The following DNAH9 variants were observed in gnomAD, a reference collection of about 807,000 sequenced individuals.
DNAH9 encodes the protein dynein axonemal heavy chain 9, also known as DNAH9 variant protein.
In DNAH9, 345 loss-of-function variants were observed where a neutral mutation model predicts 471.6. That is an observed-to-expected ratio of 0.73 (90% CI 0.67 to 0.80). The LOEUF (loss-of-function observed/expected upper bound fraction) is 0.80, where lower values mean the gene tolerates loss of function less well. DNAH9 is among the 30% of genes least tolerant of loss of function. The probability of loss-of-function intolerance (pLI) is 0.00; values close to 1 mark genes in which losing one functional copy is unlikely to be tolerated. For synonymous variants in DNAH9, 2,093 were observed against 2,123.6 expected (o/e 0.99, Z 0.40); for missense variants, 5,407 against 5,609.2 (o/e 0.96, Z 1.15).
chr17:11,891,592 C>T (rs984226007), intron 57 of DNAH9, among the ~76,000 whole-genome samples, 185 bp from the exon 58 acceptor site: 3 of 151,134 alleles, frequency 2.0e-5, no homozygotes, highest in Non-Finnish European at 2.9e-5. Context: ...CTCAAACTCC[C>T]GACCTTAGGT....
rs200539729 is a variant in DNAH9, at chr17:11,744,786, A to G, written c.6112-11A>G. 9.2e-5 allele frequency: 148 copies of G among 1,605,372 alleles called. No homozygotes were observed. The African/African-American group carries it at 1.7e-3, about 19-fold the overall frequency. On this transcript the variant is annotated splice_polypyrimidine_tract_variant and intron_variant, in intron 30 of 68. Transcript: ENST00000262442. Reference sequence around the variant, plus strand: ...TGTCTCTCTGTCACTTTGATCTAACACTGCCCACAGGATCACTACGACTGG... The same window carrying G: ...TGTCTCTCTGTCACTTTGATCTAACGCTGCCCACAGGATCACTACGACTGG...
chr17:11,895,135 A>G (rs1330039731), intron 59 of DNAH9, among the ~76,000 whole-genome samples: 2 of 152,198 alleles, frequency 1.3e-5, no homozygotes, highest in Non-Finnish European at 2.9e-5. Context: ...ATTCCACATC[A>G]TGCAGCTTAG....
At chr17:11,854,525 G>A (rs956010447) in intron 50 of DNAH9, 97 bp downstream of exon 50, 16 of 1,384,840 alleles carry the variant, frequency 1.2e-5, no homozygotes, top group East Asian at 7.4e-5. Flanking sequence ...GGTTTTTAAA[G>A]AGAAGCAGGA....
intron 43 of DNAH9, among the ~76,000 whole-genome samples, chr17:11,798,050 C>T (rs1969311576): frequency 6.6e-6 from 1 of 152,078 alleles, no homozygotes; most frequent in South Asian, 2.1e-4. Context: ...ATCACAGTGA[C>T]AGCAAGAACA....
At position 11,752,907 on chromosome 17, in the gene DNAH9, G is replaced by A. The variant is rs200551832; in HGVS notation, c.6685G>A (p.Asp2229Asn). 5.0e-6 allele frequency: 8 copies of A among 1,607,998 alleles called. No individual in the cohort carries two copies. The East Asian group carries it at 6.7e-5, about 14-fold the overall frequency. The stretch of plus-strand genomic sequence containing the variant: ...GCCCAAGTGGATTTTACTGGATGGC[G>A]ACATAGATCCAATGTGGATTGAATC... ...DGPKWILLDG[D>N]IDPMWIESLN... The change falls in exon 33 of 69, where the codon GAC becomes AAC. Residue 2229 changes from aspartate to asparagine, a missense_variant. Physicochemically the swap from Asp to Asn is conservative, Grantham distance 23. Coordinates refer to ENST00000262442, the MANE Select transcript of DNAH9 (RefSeq NM_001372.4).
Position 11,690,015 on chromosome 17 carries a change from C to T in DNAH9, c.4193C>T (p.Thr1398Ile). 1.2e-6 allele frequency: 2 copies of T among 1,614,206 alleles called. No homozygotes were observed. The highest frequency in any genetic ancestry group is 2.2e-5 in the South Asian group (2 of 91,084). ...ATGCAGGCCACCGGTGTGAGCTTCACTATGGACCAGGACACCACCCTAGCG... is the reference window on the plus strand; with the variant it reads ...ATGCAGGCCACCGGTGTGAGCTTCATTATGGACCAGGACACCACCCTAGCG... ...QLMQATGVSFTMDQDTTLAHL... is the reference protein window; with the variant it reads ...QLMQATGVSFIMDQDTTLAHL... The change falls in exon 20 of 69, where the codon ACT becomes ATT. Residue 1398 changes from threonine (T) to isoleucine (I), a missense_variant. Coordinates refer to ENST00000262442, the MANE Select transcript of DNAH9 (RefSeq NM_001372.4).
chr17:11,690,559 G>GTCAAA, intron 20 of DNAH9, 123 bp downstream of exon 20: 1 of 911,644 alleles, frequency 1.1e-6, no homozygotes, highest in Non-Finnish European at 1.6e-6. Context: ...TTTACTTAAA[G>GTCAAA]GCACTTCCCA....
chr17:11,700,659 G>A (rs914124478), intron 23 of DNAH9, among the ~76,000 whole-genome samples: 5 of 151,996 alleles, frequency 3.3e-5, no homozygotes, highest in Non-Finnish European at 7.4e-5. Context: ...GAAAATAATC[G>A]CTTCTCAGTT....
rs761658139 is a variant in DNAH9 at position 11,932,068 on chromosome 17, CTT to C, written c.12162_12163del (p.Cys4055LeufsTer24). ...ETEFKSILFALCYFHAVVAER... is the reference protein window; with the variant it reads ...ETEFKSILFAXCYFHAVVAER... ...GGAGTTTAAGAGCATCCTCTTTGCT[CTT>C]TGTTACTTCCATGCGGTGGTGGCAG... On this transcript the variant is annotated frameshift_variant, in exon 64 of 69. Coordinates refer to ENST00000262442, the MANE Select transcript of DNAH9 (RefSeq NM_001372.4). LOFTEE classifies it high-confidence loss of function. This position sits in a 1 kb window ranked among gnomAD's most constrained non-coding sequence, Gnocchi z 4.3. 1 of 1,614,026 alleles carries C rather than the reference CTT, an allele frequency of 6.2e-7. No individual in the cohort carries two copies. The highest frequency in any genetic ancestry group is 8.5e-7 in the Non-Finnish European group (1 of 1,180,040).
intron 27 of DNAH9, among the ~76,000 whole-genome samples, chr17:11,726,834 G>C (rs2075160996): frequency 6.6e-6 from 1 of 152,046 alleles, no homozygotes; most frequent in Admixed American, 6.5e-5. Flanking sequence ...TGATTGCAAA[G>C]TCAGGAGTTT....
At chr17:11,718,944 G>A (rs2150800891) in intron 26 of DNAH9, among the ~76,000 whole-genome samples, 1 of 152,254 alleles carries the variant, frequency 6.6e-6, no homozygotes, top group Non-Finnish European at 1.5e-5. Context: ...ACATCATCCA[G>A]GTCGACTTAA....
intron 17 of DNAH9, among the ~76,000 whole-genome samples, chr17:11,670,850 T>C (rs897457993): frequency 2.0e-5 from 3 of 152,136 alleles, no homozygotes; most frequent in African/African-American, 7.2e-5. Context: ...ATTACAGGCA[T>C]GTGCCACCAC....
At chr17:11,662,913 G>A (rs2073799398) in intron 14 of DNAH9, among the ~76,000 whole-genome samples, 4 of 151,388 alleles carry the variant, frequency 2.6e-5, no homozygotes, top group Admixed American at 2.6e-4. Context: ...CCGCCACTAT[G>A]CCTGGCTAAT....
At chr17:11,956,209 AAACT>A (rs539998143) in intron 67 of DNAH9, among the ~76,000 whole-genome samples, 215 of 152,366 alleles carry the variant, frequency 1.4e-3, no homozygotes, top group Non-Finnish European at 1.9e-3. Context: ...TATAAAAATC[AAACT>A]AACTATATTT....
chr17:11,956,745 A>C (rs1213416345), intron 67 of DNAH9, among the ~76,000 whole-genome samples: 1 of 151,438 alleles, frequency 6.6e-6, no homozygotes, highest in African/African-American at 2.4e-5. Context: ...AATAAAAATA[A>C]AAATATATAA....
Position 11,706,787 on chromosome 17 carries a change from A to G in DNAH9, c.5552+1602A>G, listed in dbSNP as rs577640178. Among the ~76,000 whole-genome samples the G allele has an allele frequency of 1.1e-4, 16 of 152,350 alleles. 1 individual carries two copies. The South Asian group carries it at 3.3e-3, about 32-fold the overall frequency. ...TTCATTAATTGTTAAAATGCTATGC[A>G]TCCCCAAAAGTTAAGGAGTTACTGA... On this transcript the variant is annotated intron_variant, in intron 26 of 68. Coordinates refer to ENST00000262442, the MANE Select transcript of DNAH9 (RefSeq NM_001372.4).
intron 67 of DNAH9, among the ~76,000 whole-genome samples, chr17:11,945,861 A>G (rs1166033522): frequency 6.6e-6 from 1 of 151,714 alleles, no homozygotes; most frequent in Non-Finnish European, 1.5e-5. Context: ...GATCAAGACC[A>G]TCCTGGCTAG....
intron 68 of DNAH9, among the ~76,000 whole-genome samples, chr17:11,969,061 A>G (rs1183997899): frequency 1.3e-5 from 2 of 152,244 alleles, no homozygotes; most frequent in African/African-American, 4.8e-5. Flanking sequence ...ATTCATTTGT[A>G]TATGATAATA....
chr17:11,926,646 C>G (rs990465086), intron 62 of DNAH9, among the ~76,000 whole-genome samples: 1 of 152,118 alleles, frequency 6.6e-6, no homozygotes, highest in Non-Finnish European at 1.5e-5. Context: ...TTTTCTTTAT[C>G]TAGTCTATCA....
Sources: gnomAD v4.1 joint callset for allele counts (sites outside exome capture counted in the v4.1 genomes callset) on GRCh38, gnomAD v4.1.1 for gene constraint, Gnocchi (gnomAD v3.1) non-coding constraint, MANE v1.5 for transcripts, NCBI Gene and HGNC (gene_info 2026-07-23, HGNC 2026-07-21) for gene names.